The following SEMA6C variants were observed in gnomAD, a reference collection of about 807,000 sequenced individuals.
The protein encoded by SEMA6C is semaphorin 6C, also known as semaphorin-6C.
A neutral mutation model predicts 72.9 loss-of-function variants in SEMA6C; 37 were observed. The observed-to-expected ratio is 0.51, with a 90% CI of 0.39 to 0.67. SEMA6C has a LOEUF of 0.67. Ranked by LOEUF, SEMA6C falls within the 30% of genes least tolerant of loss-of-function variation. The probability of loss-of-function intolerance (pLI) is 0.00; values close to 1 mark genes in which losing one functional copy is unlikely to be tolerated. For synonymous variants in SEMA6C, 578 were observed against 554.1 expected (o/e 1.04, Z -0.61); for missense variants, 1,189 against 1,263.6 (o/e 0.94, Z 0.89).
chr1:151,142,387 T>C, intron 3 of SEMA6C, 117 bp downstream of exon 3: 1 of 1,133,492 alleles, frequency 8.8e-7, no homozygotes, highest in Non-Finnish European at 1.3e-6. Context: ...TTCTTTTTGC[T>C]GGTCTGGCTG....
chr1:151,132,297 C>T lies in SEMA6C; in HGVS notation c.*187G>A. The T allele has an allele frequency of 6.5e-7, 1 of 1,535,550 alleles. No individual in the cohort carries two copies. Among genetic ancestry groups the T allele is most frequent in the Non-Finnish European group, 8.7e-7 (1 of 1,145,572 alleles). On this transcript the variant is annotated 3_prime_UTR_variant, in exon 19 of 19. Transcript: ENST00000368914. ...GACGGGCTTCTCACCTCCCACTCTTCTGTCGAGGACAGGGGGAAAGACAGT... is the reference window on the plus strand; with the variant it reads ...GACGGGCTTCTCACCTCCCACTCTTTTGTCGAGGACAGGGGGAAAGACAGT...
chr1:151,132,226 G>A lies in SEMA6C; in HGVS notation c.*258C>T. ...GGCAGCTTGGCTGGAAGGGAGCGGG[G>A]AGTGGGAGTCCGCCAGCTCCCCCTG... is the stretch of plus-strand genomic sequence containing the variant. On this transcript the variant is annotated 3_prime_UTR_variant, in exon 19 of 19. Coordinates refer to ENST00000368914, the MANE Select transcript of SEMA6C (RefSeq NM_030913.6). 3 of 1,506,536 alleles carry A rather than the reference G, an allele frequency of 2.0e-6. No homozygotes were observed. Among genetic ancestry groups the A allele is most frequent in the Non-Finnish European group, 2.7e-6 (3 of 1,128,676 alleles). 93.3% of individuals were successfully genotyped at this position (1,506,536 alleles called of 1,614,324 possible).
chr1:151,132,621 G>C lies in SEMA6C; in HGVS notation c.2656C>G (p.Leu886Val), dbSNP rs773302268. The change falls in exon 19 of 19, where the codon CTG (leucine) becomes GTG (valine). Residue 886 changes from leucine to valine, a missense_variant. Around this residue, in one of 2 missense-constraint regions of SEMA6C, gnomAD observed 721 missense variants for 686.2 expected, o/e 1.05. Coordinates refer to ENST00000368914, the MANE Select transcript of SEMA6C (RefSeq NM_030913.6). ...SGGPGKHLLY[L>V]GRPEGYRGRA... ...CCCCGGTAGCCCTCGGGCCGGCCCA[G>C]GTACAGGAGGTGCTTCCCGGGACCC... 2 of 1,550,994 alleles carry C rather than the reference G, an allele frequency of 1.3e-6. No individual in the cohort carries two copies. Among genetic ancestry groups the C allele is most frequent in the Non-Finnish European group, 1.7e-6 (2 of 1,147,080 alleles).
At chr1:151,144,738 T>C (rs1682807601) in intron 1 of SEMA6C, among the ~76,000 whole-genome samples, 1 of 152,190 alleles carries the variant, frequency 6.6e-6, no homozygotes, top group Non-Finnish European at 1.5e-5. Context: ...ACCACTCCCA[T>C]GTTAAGGCCC....
At chr1:151,134,285 G>C in intron 18 of SEMA6C, 116 bp downstream of exon 18, 1 of 1,060,910 alleles carries the variant, frequency 9.4e-7, no homozygotes, top group South Asian at 1.4e-5. Flanking sequence ...GGAGGATGCC[G>C]ACCCTTTTCC....
In SEMA6C at chr1:151,136,877, G is replaced by A; in HGVS notation, c.954C>T (p.Val318=). Reference sequence around the variant, plus strand: ...CCAACCTATTGGTCTGGGTGGTGAAGACCCCAAAGAGAGCAGAGCGGCCAT... The same window carrying A: ...CCAACCTATTGGTCTGGGTGGTGAAAACCCCAAAGAGAGCAGAGCGGCCAT... ...NLHGRSALFG[V]FTTQTNSIPG... is the part of the protein sequence containing the mutation. Residue 318 remains valine, a synonymous_variant, in exon 11 of 19, where the codon GTC becomes GTT. Coordinates refer to ENST00000368914, the MANE Select transcript of SEMA6C (RefSeq NM_030913.6). 1 of 1,613,920 alleles carries A rather than the reference G, an allele frequency of 6.2e-7. No homozygotes were observed. The highest frequency in any genetic ancestry group is 8.5e-7 in the Non-Finnish European group (1 of 1,179,996).
chr1:151,141,894 A>G (rs931024345), intron 3 of SEMA6C, among the ~76,000 whole-genome samples: 2 of 151,986 alleles, frequency 1.3e-5, no homozygotes, highest in Admixed American at 6.6e-5. Flanking sequence ...AGTACCCACC[A>G]CTGGCTCAGA....
chr1:151,140,067 G>A lies in SEMA6C; in HGVS notation c.142C>T (p.Arg48Trp), dbSNP rs1340397452. Residue 48 changes from arginine to tryptophan, a missense_variant, in exon 4 of 19, where the codon CGG becomes TGG. This residue lies in a region of SEMA6C where 468 missense variants were observed against 577.4 expected (regional missense o/e 0.81). Transcript: ENST00000368914. ...LQGTSPLSWF[R>W]GLEDDAVAAE... ...GCCACAGCATCATCCTCCAGGCCCC[G>A]AAACCAGGATAATGGGGAAGTACCT... 6.2e-6 allele frequency: 10 copies of A among 1,614,046 alleles called. No homozygotes were observed. The highest frequency in any genetic ancestry group is 8.5e-6 in the Non-Finnish European group (10 of 1,179,986).
chr1:151,134,658 G>A lies in SEMA6C; in HGVS notation c.1676C>T (p.Ala559Val), dbSNP rs1234136684. 19 of 1,614,034 alleles carry A rather than the reference G, an allele frequency of 1.2e-5. No homozygotes were observed. Among genetic ancestry groups the A allele is most frequent in the Non-Finnish European group, 1.5e-5 (18 of 1,180,026 alleles). Residue 559 changes from alanine to valine, a missense_variant, in exon 17 of 19, where the codon GCT becomes GTT. By Grantham distance (64) the Ala-to-Val change is moderately conservative. Around this residue, in one of 2 missense-constraint regions of SEMA6C, gnomAD observed 721 missense variants for 686.2 expected, o/e 1.05. Transcript: ENST00000368914. ...RGSGGTDVDQ[A>V]GNQESMEHGD... Reference sequence around the variant, plus strand: ...ATGCTCCATGGATTCCTGGTTCCCAGCCTGATCCACATCAGTCCTAGGAGG... The same window carrying A: ...ATGCTCCATGGATTCCTGGTTCCCAACCTGATCCACATCAGTCCTAGGAGG...
intron 3 of SEMA6C, 139 bp from the exon 4 acceptor site, chr1:151,140,229 A>G (rs1682418348): frequency 1.5e-6 from 1 of 683,094 alleles, no homozygotes; most frequent in Admixed American, 2.2e-5. Flanking sequence ...TACCAATAAC[A>G]CTGAGTACTT....
Position 151,137,898 on chromosome 1 carries a change from T to G in SEMA6C, c.667+88A>C, listed in dbSNP as rs192142650. Reference sequence around the variant, plus strand: ...CTCTCCCCATTGCATACATACACACTACCACACCATTTGCCTGCTCCCCGC... The same window carrying G: ...CTCTCCCCATTGCATACATACACACGACCACACCATTTGCCTGCTCCCCGC... On this transcript the variant is annotated intron_variant, in intron 9 of 18. Transcript: ENST00000368914. 553 of 1,585,402 alleles carry G rather than the reference T, an allele frequency of 3.5e-4. 1 individual carries two copies. The African/African-American group carries it at 6.0e-3, about 17-fold the overall frequency.
intron 18 of SEMA6C, chr1:151,134,018 A>G: frequency 6.5e-7 from 1 of 1,537,988 alleles, no homozygotes; most frequent in Non-Finnish European, 8.8e-7. Flanking sequence ...CACTGGGAGG[A>G]CTGGGGGTCC....
Position 151,145,733 on chromosome 1 carries a change from G to A in SEMA6C, c.-105+700C>T, listed in dbSNP as rs1682887021. ...AGCGGAGGCGGGTCTCCCAGGCCAG[G>A]GAAACAGGGCCAGAGGCTGAGAACC... On this transcript the variant is annotated intron_variant, in intron 1 of 18. Transcript: ENST00000368914. The surrounding 1 kb of genome is among the most constrained non-coding windows in gnomAD (Gnocchi z 4.4). 1.3e-5 allele frequency: 2 copies of A among 152,914 alleles called. No homozygotes were observed. Among genetic ancestry groups the A allele is most frequent in the Admixed American group, 1.3e-4 (2 of 15,296 alleles). The allele number at this position is 152,914 out of a possible 1,614,324, so 9.5% of individuals were successfully genotyped here.
chr1:151,142,448 G>A (rs1682629875), intron 3 of SEMA6C, 56 bp downstream of exon 3: 6 of 1,604,808 alleles, frequency 3.7e-6, no homozygotes, highest in Non-Finnish European at 5.1e-6. Flanking sequence ...CCACACAGGG[G>A]GTCTCAGTCT....
chr1:151,137,786 G>C lies in SEMA6C; in HGVS notation c.681C>G (p.Val227=). Residue 227 remains valine, a synonymous_variant, in exon 10 of 19, where the codon GTC becomes GTG. Coordinates refer to ENST00000368914, the MANE Select transcript of SEMA6C (RefSeq NM_030913.6). ...DSKWLREPHF[V]QALEHGDHVY... is the part of the protein sequence containing the mutation. ...CATGGTCTCCATGCTCCAAGGCCTG[G>C]ACAAAGTGTGGCTCTAAGATGGGGA... The C allele has an allele frequency of 1.2e-6, 2 of 1,613,488 alleles. No homozygotes were observed. The highest frequency in any genetic ancestry group is 1.1e-5 in the South Asian group (1 of 91,044).
Position 151,132,921 on chromosome 1 carries a change from G to C in SEMA6C, c.2356C>G (p.Pro786Ala). The C allele has an allele frequency of 5.0e-6, 7 of 1,388,268 alleles. No homozygotes were observed. The highest frequency in any genetic ancestry group is 6.5e-6 in the Non-Finnish European group (7 of 1,070,410). The allele number at this position is 1,388,268 out of a possible 1,614,324, so 86.0% of individuals were successfully genotyped here. Residue 786 changes from proline to alanine, a missense_variant, in exon 19 of 19, where the codon CCC (proline) becomes GCC (alanine). Around this residue, in one of 2 missense-constraint regions of SEMA6C, gnomAD observed 721 missense variants for 686.2 expected, o/e 1.05. Coordinates refer to ENST00000368914, the MANE Select transcript of SEMA6C (RefSeq NM_030913.6). ...GPQPPRKGAEPPAPLTSRALP... is the reference protein window; with the variant it reads ...GPQPPRKGAEAPAPLTSRALP... ...GCCCGCGAGGTTAAAGGGGCGGGGGGCTCGGCCCCCTTTCTGGGCGGCTGC... is the reference window on the plus strand; with the variant it reads ...GCCCGCGAGGTTAAAGGGGCGGGGGCCTCGGCCCCCTTTCTGGGCGGCTGC...
At position 151,138,664 on chromosome 1, in the gene SEMA6C, G is replaced by T; in HGVS notation, c.422C>A (p.Thr141Lys). The change falls in exon 7 of 19, where the codon ACG (threonine) becomes AAG (lysine). Residue 141 changes from threonine to lysine, a missense_variant. Coordinates refer to ENST00000368914, the MANE Select transcript of SEMA6C (RefSeq NM_030913.6). Reference protein sequence around the residue: ...WDSQTLLACGTNSFSPVCRSY... With the variant: ...WDSQTLLACGKNSFSPVCRSY... Reference sequence around the variant, plus strand: ...GCGGCACACAGGGCTGAATGAGTTCGTTCCACAGGCAAGGAGCGTCTGGGA... The same window carrying T: ...GCGGCACACAGGGCTGAATGAGTTCTTTCCACAGGCAAGGAGCGTCTGGGA... The T allele has an allele frequency of 5.0e-6, 8 of 1,614,154 alleles. No individual in the cohort carries two copies. The highest frequency in any genetic ancestry group is 5.9e-6 in the Non-Finnish European group (7 of 1,180,014).
intron 1 of SEMA6C, among the ~76,000 whole-genome samples, 188 bp from the exon 2 acceptor site, chr1:151,144,622 T>C (rs1357964635): frequency 6.6e-6 from 1 of 152,194 alleles, no homozygotes; most frequent in Non-Finnish European, 1.5e-5. Flanking sequence ...GGTGGCTTTA[T>C]GCCCAGAGAT....
rs1404637086 is a variant in SEMA6C at position 151,133,397 on chromosome 1, CAGG to C, written c.1877_1879del (p.Ser626del). The C allele has an allele frequency of 3.8e-6, 6 of 1,597,132 alleles. No individual in the cohort carries two copies. The highest frequency in any genetic ancestry group is 5.1e-6 in the Non-Finnish European group (6 of 1,174,626). ...ACGTCGGTGGGCGCGGCGACAAGCA[CAGG>C]AGACCAGGAGGCCAGAGACTGAGGC... On this transcript the variant is annotated inframe_deletion, in exon 19 of 19. Transcript: ENST00000368914. The surrounding 1 kb of genome is among the most constrained non-coding windows in gnomAD (Gnocchi z 5.9).
Sources: allele counts gnomAD v4.1 joint callset (sites outside exome capture counted in the v4.1 genomes callset), GRCh38; gene constraint gnomAD v4.1.1; regional missense constraint gnomAD v4.1.1; non-coding constraint Gnocchi (gnomAD v3.1); transcripts MANE v1.5; gene names NCBI Gene and HGNC (gene_info 2026-07-23, HGNC 2026-07-21).